The following NKAIN3 variants were observed in gnomAD, a reference collection of about 807,000 sequenced individuals.
NKAIN3 encodes sodium/potassium transporting ATPase interacting 3.
In NKAIN3, 25 loss-of-function variants were observed where a neutral mutation model predicts 30.2. The ratio of observed to expected loss-of-function variants is 0.83; its 90% confidence interval spans 0.60 to 1.16. The LOEUF (loss-of-function observed/expected upper bound fraction) is 1.16. Among genes scored for constraint, NKAIN3 ranks in the 50% most tolerant of loss-of-function variants. The pLI is 0.00. For synonymous variants in NKAIN3, 91 were observed against 89.6 expected, an observed-to-expected ratio of 1.02 and a Z score of -0.09; for missense variants, 225 against 254.1, an observed-to-expected ratio of 0.89 and a Z score of 0.78.
intron 1 of NKAIN3, among the ~76,000 whole-genome samples, chr8:62,429,839 C>T (rs761963385): frequency 1.8e-4 from 27 of 151,772 alleles, no homozygotes; most frequent in Non-Finnish European, 2.7e-4. Flanking sequence ...TAAATATATA[C>T]GTAACATAGA....
chr8:62,448,395 G>T (rs901454838), intron 1 of NKAIN3, among the ~76,000 whole-genome samples: 1 of 150,554 alleles, frequency 6.6e-6, no homozygotes, highest in South Asian at 2.1e-4. Context: ...GAGATTGAAG[G>T]CCTATGATGG....
intron 4 of NKAIN3, among the ~76,000 whole-genome samples, chr8:62,781,042 T>C (rs1350318499): frequency 6.6e-6 from 1 of 151,896 alleles, no homozygotes; most frequent in Admixed American, 6.6e-5. Flanking sequence ...AAACCAAGAT[T>C]TCACCAAAAA....
At chr8:62,577,452 G>T (rs1810146495) in intron 1 of NKAIN3, among the ~76,000 whole-genome samples, 1 of 141,532 alleles carries the variant, frequency 7.1e-6, no homozygotes, top group East Asian at 2.0e-4. Flanking sequence ...AAATAGCGTG[G>T]GTGTTTTTTT....
intron 4 of NKAIN3, among the ~76,000 whole-genome samples, chr8:62,792,766 A>T (rs1211641966): frequency 6.6e-6 from 1 of 152,160 alleles, no homozygotes; most frequent in Non-Finnish European, 1.5e-5. Context: ...TTTATAGGTT[A>T]AAAAGCCAGG....
intron 4 of NKAIN3, among the ~76,000 whole-genome samples, chr8:62,817,945 T>G (rs1818735865): frequency 6.6e-6 from 1 of 152,208 alleles, no homozygotes; most frequent in South Asian, 2.1e-4. Flanking sequence ...ATCAGTGCCT[T>G]TCTGCATGGC....
intron 3 of NKAIN3, among the ~76,000 whole-genome samples, chr8:62,630,426 T>G (rs1009426709): frequency 6.6e-6 from 1 of 152,180 alleles, no homozygotes; most frequent in Non-Finnish European, 1.5e-5. Flanking sequence ...ATTGGAGAAC[T>G]GAGAGTCTTC....
At chr8:62,684,875 T>G (rs1813749036) in intron 3 of NKAIN3, among the ~76,000 whole-genome samples, 1 of 152,134 alleles carries the variant, frequency 6.6e-6, no homozygotes, top group African/African-American at 2.4e-5. Context: ...ACAAGACAAG[T>G]TGAGAGTTCC....
chr8:62,504,386 A>G (rs368659427), intron 1 of NKAIN3, among the ~76,000 whole-genome samples: 49 of 152,288 alleles, frequency 3.2e-4, no homozygotes, highest in African/African-American at 1.1e-3. Flanking sequence ...GATATTCTCT[A>G]TACTACATTC....
At chr8:62,764,941 G>T (rs1816784051) in intron 4 of NKAIN3, among the ~76,000 whole-genome samples, 1 of 152,126 alleles carries the variant, frequency 6.6e-6, no homozygotes, top group Admixed American at 6.6e-5. Context: ...GCTTACATGT[G>T]AACATGAAAT....
intron 3 of NKAIN3, among the ~76,000 whole-genome samples, chr8:62,663,316 A>G (rs539803406): frequency 6.6e-6 from 1 of 152,332 alleles, no homozygotes; most frequent in African/African-American, 2.4e-5. Context: ...TGAAGCAGGA[A>G]AGATACTTAC....
At chr8:62,824,651 A>G (rs1343639672) in intron 4 of NKAIN3, among the ~76,000 whole-genome samples, 3 of 152,154 alleles carry the variant, frequency 2.0e-5, no homozygotes, top group African/African-American at 7.2e-5. Flanking sequence ...TGAGCCTAAC[A>G]TATGTATATT....
At chr8:62,655,265 A>G (rs568641801) in intron 3 of NKAIN3, among the ~76,000 whole-genome samples, 3 of 152,322 alleles carry the variant, frequency 2.0e-5, no homozygotes, top group Non-Finnish European at 4.4e-5. Flanking sequence ...TACTTTAAAT[A>G]TATATGAATG....
At chr8:62,586,161 T>C (rs1283831834) in intron 2 of NKAIN3, among the ~76,000 whole-genome samples, 10 of 152,204 alleles carry the variant, frequency 6.6e-5, no homozygotes, top group Non-Finnish European at 1.5e-5. Flanking sequence ...CAAAGGACAA[T>C]TCATTTTAAT....
At chr8:62,796,481 T>C (rs1201712727) in intron 4 of NKAIN3, among the ~76,000 whole-genome samples, 2 of 150,336 alleles carry the variant, frequency 1.3e-5, no homozygotes, top group Non-Finnish European at 2.9e-5. Context: ...TTTGTCTAGA[T>C]GATTACACTG....
At chr8:62,366,164 T>G (rs1816730647) in intron 1 of NKAIN3, among the ~76,000 whole-genome samples, 2 of 152,142 alleles carry the variant, frequency 1.3e-5, no homozygotes, top group Admixed American at 1.3e-4. Context: ...TGTTTTATTT[T>G]AAGTCATCTA....
At chr8:62,396,632 T>A (rs1322297914) in intron 1 of NKAIN3, among the ~76,000 whole-genome samples, 2 of 152,228 alleles carry the variant, frequency 1.3e-5, no homozygotes, top group Admixed American at 1.3e-4. Context: ...GTGTTAACTT[T>A]CTACTAATTA....
chr8:62,929,286 C>T (rs1188647316), intron 5 of NKAIN3, among the ~76,000 whole-genome samples: 4 of 152,106 alleles, frequency 2.6e-5, no homozygotes, highest in Admixed American at 6.6e-5. Flanking sequence ...TTGTAAATCC[C>T]GTATTGAGCA....
chr8:62,498,518 G>T (rs1807313700), intron 1 of NKAIN3, among the ~76,000 whole-genome samples: 1 of 151,542 alleles, frequency 6.6e-6, no homozygotes, highest in Non-Finnish European at 1.5e-5. Flanking sequence ...GCATGTTTTC[G>T]GCCTCTGCTT....
chr8:62,361,560 G>A (rs1816564809), intron 1 of NKAIN3, among the ~76,000 whole-genome samples: 1 of 152,190 alleles, frequency 6.6e-6, no homozygotes, highest in African/African-American at 2.4e-5. Flanking sequence ...GTCTTAAATG[G>A]AGAACTACTG....
Sources: allele counts gnomAD v4.1 joint callset (sites outside exome capture counted in the v4.1 genomes callset), GRCh38; gene constraint gnomAD v4.1.1; transcripts MANE v1.5; gene names NCBI Gene and HGNC (gene_info 2026-07-23, HGNC 2026-07-21).